The following PTGFR variants were observed in gnomAD, a reference collection of about 807,000 sequenced individuals.
The protein encoded by PTGFR is prostaglandin F2-alpha receptor.
PTGFR carries 15 observed loss-of-function variants against 26.2 expected under a neutral mutation model. That is an observed-to-expected ratio of 0.57 (90% CI 0.38 to 0.88). PTGFR has a LOEUF of 0.88. Among genes scored for constraint, PTGFR ranks in the 40% least tolerant of loss-of-function variants. The pLI, the probability that PTGFR is intolerant of heterozygous loss-of-function variation, is 0.00. For missense variants in PTGFR, 369 were observed against 427.2 expected (o/e 0.86, Z 1.20); for synonymous variants, 165 against 151.1 (o/e 1.09, Z -0.68).
rs746863911 is a variant in PTGFR at position 78,493,502 on chromosome 1, G to A, written c.759G>A (p.Ala253=). 12 of 1,570,910 alleles carry A rather than the reference G, an allele frequency of 7.6e-6. No homozygotes were observed. The highest frequency in any genetic ancestry group is 6.0e-5 in the South Asian group (5 of 83,446). ...HHLEMVIQLL[A]IMCVSCICWS... is the part of the protein sequence containing the mutation. ...TGGAAATGGTAATCCAGCTCCTGGC[G>A]ATAATGTGTGTCTCCTGTATTTGTT... The change falls in exon 2 of 3, where the codon GCG becomes GCA. Residue 253 remains alanine, a synonymous_variant. Transcript: ENST00000370757.
At chr1:78,500,101 G>A (rs1033726290) in intron 2 of PTGFR, among the ~76,000 whole-genome samples, 7 of 151,850 alleles carry the variant, frequency 4.6e-5, no homozygotes, top group African/African-American at 1.7e-4. Flanking sequence ...AATCATGTTG[G>A]GGGACAAGAG....
chr1:78,531,378 G>C (rs1270475259), intron 2 of PTGFR, among the ~76,000 whole-genome samples: 1 of 152,108 alleles, frequency 6.6e-6, no homozygotes, highest in Non-Finnish European at 1.5e-5. Flanking sequence ...GCCCAGGTAG[G>C]AGTCTCTACA....
rs1288874256 is a variant in PTGFR, at chr1:78,536,796, C to G, written c.*109C>G. ...CCTAACTGGAAAATTCAGGCTTCAT[C>G]ATGTAGTTTGAAGATACTATTGTCA... is the stretch of plus-strand genomic sequence containing the variant. On this transcript the variant is annotated 3_prime_UTR_variant, in exon 3 of 3. Transcript: ENST00000370757. The G allele has an allele frequency of 3.3e-6, 4 of 1,216,902 alleles. No homozygotes were observed. In the East Asian group the frequency reaches 1.0e-4, roughly 31 times the overall value. 75.4% of individuals were successfully genotyped at this position (1,216,902 alleles called of 1,614,324 possible).
rs1649382103 is a variant in PTGFR at position 78,491,120 on chromosome 1, A to T, written c.-189A>T. 1 of 152,232 alleles carries T rather than the reference A, an allele frequency of 6.6e-6. No homozygotes were observed. Among genetic ancestry groups the T allele is most frequent in the African/African-American group, 2.4e-5 (1 of 41,436 alleles). 9.4% of individuals were successfully genotyped at this position (152,232 alleles called of 1,614,324 possible). A position where few individuals can be genotyped will look rare whatever the true frequency, so the allele number is the denominator to read the frequency against. ...GGACCACAGCCGGCGCCCGATCAGG[A>T]TCTCCGCGCTGGGATCGGTGGAACT... is the stretch of plus-strand genomic sequence containing the variant. On this transcript the variant is annotated 5_prime_UTR_variant, in exon 1 of 3. Transcript: ENST00000370757.
chr1:78,517,962 G>T (rs1190693875), intron 2 of PTGFR, among the ~76,000 whole-genome samples: 1 of 152,036 alleles, frequency 6.6e-6, no homozygotes, highest in African/African-American at 2.4e-5. Context: ...AGGAAGTAAG[G>T]CAAATAATAA....
At position 78,539,238 on chromosome 1, in the gene PTGFR, A is replaced by C. The variant is rs539330160; in HGVS notation, c.*2551A>C. ...AAAATACCTGAAAGTTAATACATAC[A>C]TATGTAGATATATTTTGTTATGTGA... On this transcript the variant is annotated 3_prime_UTR_variant, in exon 3 of 3. Transcript: ENST00000370757. 23 of 152,070 alleles carry C rather than the reference A, an allele frequency of 1.5e-4. No homozygotes were observed. The highest frequency in any genetic ancestry group is 5.5e-4 in the African/African-American group (23 of 41,536). The allele number at this position is 152,070 out of a possible 1,614,324, so 9.4% of individuals were successfully genotyped here. A position where few individuals can be genotyped will look rare whatever the true frequency, so the allele number is the denominator to read the frequency against.
intron 2 of PTGFR, among the ~76,000 whole-genome samples, chr1:78,495,816 G>T (rs191467745): frequency 1.3e-3 from 202 of 152,212 alleles, no homozygotes; most frequent in Non-Finnish European, 2.0e-3. Flanking sequence ...TTTTGGTTTG[G>T]TTTGGAATAA....
chr1:78,529,514 C>T (rs750416706), intron 2 of PTGFR, among the ~76,000 whole-genome samples: 1 of 152,040 alleles, frequency 6.6e-6, no homozygotes, highest in Admixed American at 6.6e-5. Context: ...AAGTAAAATG[C>T]CTCAAATTCC....
intron 2 of PTGFR, among the ~76,000 whole-genome samples, chr1:78,494,105 C>T (rs1176687853): frequency 6.6e-6 from 1 of 152,356 alleles, no homozygotes; most frequent in East Asian, 1.9e-4. Context: ...GTATGTTTGG[C>T]AGGAAGGCCA....
intron 2 of PTGFR, among the ~76,000 whole-genome samples, chr1:78,501,132 C>A (rs549386381): frequency 2.0e-5 from 3 of 152,108 alleles, no homozygotes; most frequent in African/African-American, 4.8e-5. Context: ...TAAATTTATA[C>A]CCTCAAGGAT....
intron 2 of PTGFR, among the ~76,000 whole-genome samples, chr1:78,508,024 G>A (rs1362340430): frequency 1.3e-5 from 2 of 152,168 alleles, no homozygotes; most frequent in Middle Eastern, 3.4e-3. Flanking sequence ...TTACTTATGG[G>A]ATTATCTTTG....
chr1:78,532,369 T>TATAG lies in PTGFR; in HGVS notation c.799-4034_799-4033insGATA, dbSNP rs1461658745. 6 of 92,836 alleles carry TATAG rather than the reference T, an allele frequency of 6.5e-5. 1 individual carries two copies. The South Asian group carries it at 1.2e-3, about 19-fold the overall frequency. 5.8% of individuals were successfully genotyped at this position (92,836 alleles called of 1,614,324 possible). A position where few individuals can be genotyped will look rare whatever the true frequency, so the allele number is the denominator to read the frequency against. On this transcript the variant is annotated intron_variant, in intron 2 of 2. Transcript: ENST00000370757. ...ATGCCGTCAAGTAAATTCATTTATA[T>TATAG]ATATATATATATATATATATATATA...
chr1:78,518,530 G>T (rs927518793), intron 2 of PTGFR, among the ~76,000 whole-genome samples: 13 of 147,092 alleles, frequency 8.8e-5, no homozygotes, highest in African/African-American at 2.5e-4. Context: ...AAAGAGAAAG[G>T]TTCCACCACT....
At chr1:78,494,421 C>T (rs1649492923) in intron 2 of PTGFR, among the ~76,000 whole-genome samples, 1 of 152,030 alleles carries the variant, frequency 6.6e-6, no homozygotes, top group Non-Finnish European at 1.5e-5. Context: ...TTCTTTTTTC[C>T]CTCGTCTGTA....
intron 2 of PTGFR, among the ~76,000 whole-genome samples, chr1:78,515,545 A>G (rs1428875455): frequency 6.6e-6 from 1 of 152,212 alleles, no homozygotes; most frequent in Non-Finnish European, 1.5e-5. Context: ...TCTAAAAAGA[A>G]TATGTTACTA....
At position 78,523,718 on chromosome 1, in the gene PTGFR, G is replaced by A. The variant is rs1001403416; in HGVS notation, c.799-12688G>A. Among the ~76,000 whole-genome samples, 5 of 152,128 alleles carry A rather than the reference G, an allele frequency of 3.3e-5. No homozygotes were observed. The East Asian group carries it at 9.6e-4, about 29-fold the overall frequency. ...ATTTTAAACTAGCTTATATAATAAA[G>A]AGATGCCACATTATTATGGTGAACC... is the stretch of plus-strand genomic sequence containing the variant. On this transcript the variant is annotated intron_variant, in intron 2 of 2. Transcript: ENST00000370757.
At chr1:78,507,651 C>A (rs1378449111) in intron 2 of PTGFR, among the ~76,000 whole-genome samples, 1 of 152,140 alleles carries the variant, frequency 6.6e-6, no homozygotes, top group Non-Finnish European at 1.5e-5. Flanking sequence ...CATAACCATA[C>A]TAAAAACAGT....
chr1:78,516,413 C>A (rs548481027), intron 2 of PTGFR, among the ~76,000 whole-genome samples: 2 of 152,210 alleles, frequency 1.3e-5, no homozygotes, highest in Admixed American at 6.5e-5. Context: ...GAAGAAAACA[C>A]AAAGACATGA....
chr1:78,536,545 A>G lies in PTGFR; in HGVS notation c.938A>G (p.Lys313Arg), dbSNP rs141195581. The G allele has an allele frequency of 3.5e-4, 572 of 1,613,464 alleles. 11 individuals are homozygous for G. In the East Asian group the frequency reaches 0.012, roughly 34 times the overall value. The change falls in exon 3 of 3, where the codon AAG (lysine) becomes AGG (arginine). Residue 313 changes from lysine (K) to arginine (R), a missense_variant. Lys to Arg is a conservative substitution (Grantham distance 26). Transcript: ENST00000370757. ...ATTCTTCTACGAAAGGCTGTCCTTA[A>G]GAATCTCTATAAGCTTGCCAGTCAA... ...VYILLRKAVLKNLYKLASQCC... is the reference protein window; with the variant it reads ...VYILLRKAVLRNLYKLASQCC...
Sources: allele counts gnomAD v4.1 joint callset (sites outside exome capture counted in the v4.1 genomes callset), GRCh38; gene constraint gnomAD v4.1.1; transcripts MANE v1.5; gene names NCBI Gene and HGNC (gene_info 2026-07-23, HGNC 2026-07-21).